CLEC12A: variants seen among roughly 807,000 people sequenced by gnomAD.
The protein encoded by CLEC12A is C-type lectin domain family 12 member A, also known as C-type lectin protein CLL-1.
In CLEC12A, 22 loss-of-function variants were observed where a neutral mutation model predicts 26.5. The ratio of observed to expected loss-of-function variants is 0.83; its 90% CI spans 0.59 to 1.19. CLEC12A has a LOEUF of 1.19. CLEC12A is among the 50% of genes most tolerant of loss of function. CLEC12A has a pLI of 0.00. For missense variants in CLEC12A, 353 were observed against 315.6 expected (o/e 1.12, Z -0.90); for synonymous variants, 119 against 101.9 (o/e 1.17, Z -1.01).
At chr12:9,980,828 C>A in intron 4 of CLEC12A, 95 bp downstream of exon 4, 1 of 1,328,122 alleles carries the variant, frequency 7.5e-7, no homozygotes, top group Non-Finnish European at 1.0e-6. Context: ...TGGTTTATTT[C>A]AGTTGGGGTG....
chr12:9,960,930 T>C (rs1175946863), intron 1 of CLEC12A, among the ~76,000 whole-genome samples: 2 of 152,142 alleles, frequency 1.3e-5, no homozygotes, highest in East Asian at 3.9e-4. Context: ...TCAAACTCTG[T>C]AAAATATTTG....
At chr12:10,001,238 A>G in the CLEC12A span, among the ~76,000 whole-genome samples, 1 of 152,202 alleles carries the variant, frequency 6.6e-6, no homozygotes, top group African/African-American at 2.4e-5. Context: ...TTCATTATAA[A>G]ACATGTCCCA....
downstream of CLEC12A, chr12:9,999,075 G>A (rs1383317333): frequency 1.2e-6 from 2 of 1,610,178 alleles, no homozygotes; most frequent in East Asian, 2.2e-5. Context: ...AATATTTAAG[G>A]TGATGTATCC....
chr12:9,994,500 G>C (rs1864982239), intron 4 of CLEC12A, among the ~76,000 whole-genome samples: 1 of 152,082 alleles, frequency 6.6e-6, no homozygotes, highest in African/African-American at 2.4e-5. Context: ...CTGCAGTTTT[G>C]ATATACAGGA....
chr12:9,955,491 TA>T (rs1863729974), intron 1 of CLEC12A, among the ~76,000 whole-genome samples: 1 of 152,180 alleles, frequency 6.6e-6, no homozygotes, highest in African/African-American at 2.4e-5. Context: ...TCATAAGTAA[TA>T]TAGATAATTG....
chr12:9,955,024 G>A (rs763822565), intron 1 of CLEC12A, among the ~76,000 whole-genome samples: 15 of 152,146 alleles, frequency 9.9e-5, no homozygotes, highest in African/African-American at 3.4e-4. Flanking sequence ...ATTTAATGTC[G>A]TTAGGTTAAT....
chr12:9,990,662 T>A (rs980622577), intron 4 of CLEC12A, among the ~76,000 whole-genome samples: 6 of 152,204 alleles, frequency 3.9e-5, no homozygotes, highest in Non-Finnish European at 1.5e-5. Flanking sequence ...TTGCATAAAC[T>A]TAGTTGATAA....
At chr12:9,982,670 G>T (rs753237079) in intron 5 of CLEC12A, among the ~76,000 whole-genome samples, 1 of 152,042 alleles carries the variant, frequency 6.6e-6, no homozygotes, top group Non-Finnish European at 1.5e-5. Flanking sequence ...TAGGGGGTAC[G>T]ATTGCAATTT....
chr12:9,970,178 A>C (rs2137133293), upstream of CLEC12A, among the ~76,000 whole-genome samples: 1 of 152,124 alleles, frequency 6.6e-6, no homozygotes, highest in Middle Eastern at 3.4e-3. Context: ...GTTTCTTTTT[A>C]TACAGTATTG....
intron 1 of CLEC12A, among the ~76,000 whole-genome samples, chr12:9,974,857 T>C (rs993740319): frequency 3.3e-5 from 5 of 152,200 alleles, no homozygotes; most frequent in African/African-American, 1.2e-4. Context: ...AAATCTCATC[T>C]TGAATTGTAG....
downstream of CLEC12A, chr12:9,999,363 T>G (rs1300006226): frequency 1.6e-5 from 5 of 312,456 alleles, no homozygotes; most frequent in Non-Finnish European, 2.3e-5. Context: ...AGGTATTTGC[T>G]TCCTGCTTTT....
At chr12:9,976,098 A>C (rs1864324310) in intron 1 of CLEC12A, among the ~76,000 whole-genome samples, 1 of 152,220 alleles carries the variant, frequency 6.6e-6, no homozygotes. Flanking sequence ...TGGGGTGCTC[A>C]TGGATAACCT....
At chr12:9,954,562 T>C (rs1176380859) in intron 1 of CLEC12A, among the ~76,000 whole-genome samples, 1 of 152,204 alleles carries the variant, frequency 6.6e-6, no homozygotes, top group Non-Finnish European at 1.5e-5. Flanking sequence ...CTTTATTGGA[T>C]TACCTATCAG....
rs1591839774 is a variant in CLEC12A, at chr12:9,985,278, T to C, written c.*252T>C. ...GAACCCTGGAGGAAGAGGAAGTCCA[T>C]TCAGATAGTTGTGGGGGGCCTTCGA... On this transcript the variant is annotated 3_prime_UTR_variant, in exon 6 of 6. Transcript: ENST00000304361. 2 of 403,802 alleles carry C rather than the reference T, an allele frequency of 5.0e-6. No homozygotes were observed. Among genetic ancestry groups the C allele is most frequent in the Non-Finnish European group, 8.5e-6 (2 of 234,074 alleles). 25.0% of individuals were successfully genotyped at this position (403,802 alleles called of 1,614,324 possible).
upstream of CLEC12A, among the ~76,000 whole-genome samples, chr12:9,969,915 C>T (rs1864065331): frequency 6.6e-6 from 1 of 152,196 alleles, no homozygotes; most frequent in African/African-American, 2.4e-5. Flanking sequence ...CACTTTGCAA[C>T]TCACTTCCGC....
At position 9,985,042 on chromosome 12, in the gene CLEC12A, C is replaced by T. The variant is rs1234776749; in HGVS notation, c.*16C>T. 1 of 1,490,414 alleles carries T rather than the reference C, an allele frequency of 6.7e-7. No individual in the cohort carries two copies. The allele number at this position is 1,490,414 out of a possible 1,614,324, so 92.3% of individuals were successfully genotyped here. On this transcript the variant is annotated 3_prime_UTR_variant, in exon 6 of 6. Coordinates refer to ENST00000304361, the MANE Select transcript of CLEC12A (RefSeq NM_138337.6). ...GGAGGCATGAGGCATCAATCAAATA[C>T]ATTTAAGGAGTGTAGGGGGTGGGGG...
intron 1 of CLEC12A, among the ~76,000 whole-genome samples, chr12:9,960,189 A>G (rs532111051): frequency 4.6e-5 from 7 of 152,330 alleles, no homozygotes; most frequent in Non-Finnish European, 1.0e-4. Flanking sequence ...TCCAGGGGAA[A>G]CAGTCATGCT....
intron 1 of CLEC12A, among the ~76,000 whole-genome samples, chr12:9,973,606 C>T (rs192821672): frequency 5.8e-4 from 89 of 152,238 alleles, no homozygotes; most frequent in African/African-American, 2.1e-3. Flanking sequence ...GTTACTCTCA[C>T]CTTTCCTCTG....
chr12:9,984,736 A>T (rs1864702737), intron 5 of CLEC12A, 134 bp from the exon 6 acceptor site: 1 of 765,656 alleles, frequency 1.3e-6, no homozygotes, highest in Non-Finnish European at 1.8e-6. Flanking sequence ...GATACTCTGA[A>T]CATTAAATTA....
Sources: gnomAD v4.1 joint callset for allele counts (sites outside exome capture counted in the v4.1 genomes callset) on GRCh38, gnomAD v4.1.1 for gene constraint, MANE v1.5 for transcripts, NCBI Gene and HGNC (gene_info 2026-07-23, HGNC 2026-07-21) for gene names.